SLC24A2: variants seen among roughly 807,000 people sequenced by gnomAD.
SLC24A2 encodes sodium/potassium/calcium exchanger 2.
In SLC24A2, 36 loss-of-function variants were observed where a neutral mutation model predicts 62.0. The observed-to-expected ratio is 0.58, with a 90% CI of 0.44 to 0.77. SLC24A2 has a LOEUF of 0.77. Ranked by LOEUF, SLC24A2 falls within the 30% of genes least tolerant of loss-of-function variation. The pLI is 0.00. For missense variants in SLC24A2, 846 were observed against 817.9 expected (o/e 1.03, Z -0.42); for synonymous variants, 358 against 294.0 (o/e 1.22, Z -2.23).
chr9:19,894,563 T>C, the SLC24A2 span, among the ~76,000 whole-genome samples: 22 of 152,310 alleles, frequency 1.4e-4, no homozygotes, highest in East Asian at 4.2e-3. Context: ...TCAACAAATA[T>C]ATGTTTATTG....
chr9:20,104,647 G>A, the SLC24A2 span, among the ~76,000 whole-genome samples: 1 of 152,176 alleles, frequency 6.6e-6, no homozygotes, highest in Non-Finnish European at 1.5e-5. Flanking sequence ...ACAAGCAAAT[G>A]CTGAGAGATT....
the SLC24A2 span, among the ~76,000 whole-genome samples, chr9:19,895,584 T>C: frequency 6.1e-5 from 9 of 147,196 alleles, no homozygotes; most frequent in Admixed American, 3.5e-4. Context: ...AGAAACACTT[T>C]ATTATAACTT....
intron 4 of SLC24A2, among the ~76,000 whole-genome samples, chr9:19,607,147 G>C (rs560480686): frequency 6.6e-6 from 1 of 152,182 alleles, no homozygotes; most frequent in African/African-American, 2.4e-5. Context: ...TCATATCACA[G>C]ATGATGTTTA....
chr9:20,203,714 A>C, the SLC24A2 span, among the ~76,000 whole-genome samples: 1 of 148,176 alleles, frequency 6.7e-6, no homozygotes, highest in African/African-American at 2.5e-5. Context: ...AAGAAGAAAG[A>C]AGAAGCAGCA....
At chr9:19,939,523 A>G in the SLC24A2 span, among the ~76,000 whole-genome samples, 1 of 152,338 alleles carries the variant, frequency 6.6e-6, no homozygotes, top group Non-Finnish European at 1.5e-5. Context: ...CCACGCCTGG[A>G]GCTTGCAGGA....
the SLC24A2 span, among the ~76,000 whole-genome samples, chr9:19,838,164 A>T: frequency 6.6e-6 from 1 of 152,194 alleles, no homozygotes; most frequent in African/African-American, 2.4e-5. Context: ...CCTGACTTTA[A>T]ACTATACTAC....
At chr9:20,004,177 G>A in the SLC24A2 span, among the ~76,000 whole-genome samples, 1 of 152,172 alleles carries the variant, frequency 6.6e-6, no homozygotes, top group Admixed American at 6.5e-5. Context: ...TAGATGATAA[G>A]GGAGCATGGG....
At chr9:20,153,532 AAT>A in the SLC24A2 span, among the ~76,000 whole-genome samples, 1 of 151,920 alleles carries the variant, frequency 6.6e-6, no homozygotes, top group Non-Finnish European at 1.5e-5. Context: ...TACAAATAAT[AAT>A]ATGACTTCAT....
the SLC24A2 span, among the ~76,000 whole-genome samples, chr9:20,081,592 C>T: frequency 1.3e-5 from 2 of 151,910 alleles, no homozygotes; most frequent in Non-Finnish European, 2.9e-5. Flanking sequence ...AACAAACCTG[C>T]ACGTTGTGCA....
At chr9:20,150,328 G>C in the SLC24A2 span, among the ~76,000 whole-genome samples, 1 of 152,036 alleles carries the variant, frequency 6.6e-6, no homozygotes, top group South Asian at 2.1e-4. Flanking sequence ...GCAAGAGACA[G>C]CCACTTGGCC....
chr9:19,885,640 T>C, the SLC24A2 span, among the ~76,000 whole-genome samples: 1 of 152,178 alleles, frequency 6.6e-6, no homozygotes, highest in South Asian at 2.1e-4. Context: ...ATGTACAGGG[T>C]TGGTTATACA....
At chr9:20,181,654 A>G in the SLC24A2 span, among the ~76,000 whole-genome samples, 1 of 152,252 alleles carries the variant, frequency 6.6e-6, no homozygotes, top group Admixed American at 6.5e-5. Flanking sequence ...TTAAAGACTT[A>G]AAGGTAAGAC....
At chr9:20,108,472 G>A in the SLC24A2 span, among the ~76,000 whole-genome samples, 1 of 152,160 alleles carries the variant, frequency 6.6e-6, no homozygotes, top group Non-Finnish European at 1.5e-5. Context: ...TGATAGACTG[G>A]ATTAAGAAAA....
At chr9:20,268,721 C>T in the SLC24A2 span, among the ~76,000 whole-genome samples, 1 of 152,194 alleles carries the variant, frequency 6.6e-6, no homozygotes, top group African/African-American at 2.4e-5. Context: ...AAGACATCTA[C>T]TTCTTCAGGC....
chr9:19,654,319 T>C (rs1334056680), intron 2 of SLC24A2, among the ~76,000 whole-genome samples: 1 of 152,184 alleles, frequency 6.6e-6, no homozygotes, highest in Non-Finnish European at 1.5e-5. Context: ...GATCCTGATA[T>C]TTGGCCTGGC....
intron 2 of SLC24A2, among the ~76,000 whole-genome samples, chr9:19,637,942 T>C (rs1041888343): frequency 6.6e-6 from 1 of 152,218 alleles, no homozygotes; most frequent in African/African-American, 2.4e-5. Context: ...CTGTGCTTTA[T>C]TTTGTGCTAG....
the SLC24A2 span, among the ~76,000 whole-genome samples, chr9:20,191,936 A>G: frequency 6.6e-6 from 1 of 152,160 alleles, no homozygotes; most frequent in Non-Finnish European, 1.5e-5. Flanking sequence ...GCATTGACCC[A>G]TGAAGATAAG....
At chr9:20,194,175 A>C in the SLC24A2 span, among the ~76,000 whole-genome samples, 2 of 152,160 alleles carry the variant, frequency 1.3e-5, no homozygotes, top group Non-Finnish European at 2.9e-5. Flanking sequence ...CAAACATGAT[A>C]AAATGTCTTT....
the SLC24A2 span, among the ~76,000 whole-genome samples, chr9:19,794,369 CA>C: frequency 6.6e-6 from 1 of 152,150 alleles, no homozygotes; most frequent in Non-Finnish European, 1.5e-5. Flanking sequence ...ACCAATACCA[CA>C]TGTTCTCACT....
Sources: gnomAD v4.1 joint callset for allele counts (sites outside exome capture counted in the v4.1 genomes callset) on GRCh38, gnomAD v4.1.1 for gene constraint, MANE v1.5 for transcripts, NCBI Gene and HGNC (gene_info 2026-07-23, HGNC 2026-07-21) for gene names.